Variants in TNXB observed in about 807,000 individuals in gnomAD.
TNXB encodes the protein tenascin-X.
In TNXB, 183 loss-of-function variants were observed where a neutral mutation model predicts 340.5. That is an observed-to-expected ratio of 0.54 (90% CI 0.48 to 0.61). The LOEUF is 0.61. Among genes scored for constraint, TNXB ranks in the 20% least tolerant of loss-of-function variants. The pLI is 0.00. For missense variants in TNXB, 4,613 were observed against 5,446.4 expected, an observed-to-expected ratio of 0.85 and a Z score of 4.82; for synonymous variants, 2,121 against 2,314.5, an observed-to-expected ratio of 0.92 and a Z score of 2.40.
chr6:32,098,331 A>C, intron 1 of TNXB, 125 bp from the exon 2 acceptor site: 1 of 768,350 alleles, frequency 1.3e-6, no homozygotes, highest in Non-Finnish European at 1.9e-6. Flanking sequence ...CATGCATGTA[A>C]AAATTCACAT....
chr6:32,068,509 G>A lies in TNXB; in HGVS notation c.6101C>T (p.Pro2034Leu). 1 of 1,613,898 alleles carries A rather than the reference G, an allele frequency of 6.2e-7. No homozygotes were observed. The highest frequency in any genetic ancestry group is 8.5e-7 in the Non-Finnish European group (1 of 1,179,900). ...GATGGTGACCCCTTCCTCGTGCCCT[G>A]GCACCCTCACTGCCTTGGGCTGCCC... ...GDGQPKAVRV[P>L]GHEEGVTISG... Residue 2034 changes from proline (P) to leucine (L), a missense_variant, in exon 17 of 44, where the codon CCA (proline) becomes CTA (leucine). Coordinates refer to ENST00000644971, the MANE Select transcript of TNXB (RefSeq NM_001365276.2). This position sits in a 1 kb window ranked among gnomAD's most constrained non-coding sequence, Gnocchi z 5.3.
rs768350934 is a variant in TNXB, at chr6:32,097,023, A to G, written c.830T>C (p.Met277Thr). 3.1e-6 allele frequency: 5 copies of G among 1,604,082 alleles called. No homozygotes were observed. The highest frequency in any genetic ancestry group is 8.5e-7 in the Non-Finnish European group (1 of 1,176,760). Residue 277 changes from methionine to threonine, a missense_variant, in exon 3 of 44, where the codon ATG becomes ACG. Met to Thr is a moderately conservative substitution (Grantham distance 81). Transcript: ENST00000644971. This position sits in a 1 kb window ranked among gnomAD's most constrained non-coding sequence, Gnocchi z 5.9. ...DPGYTGDDCGMRSCPRGCSQR... is the reference protein window; with the variant it reads ...DPGYTGDDCGTRSCPRGCSQR... ...ACTGCAACCGCGAGGGCAGCTCCTC[A>G]TGCCACAGTCGTCACCAGTGTAGCC...
chr6:32,050,769 C>T (rs866535418), intron 26 of TNXB, among the ~76,000 whole-genome samples: 2 of 152,142 alleles, frequency 1.3e-5, no homozygotes, highest in Admixed American at 6.5e-5. Flanking sequence ...ACCTCTCCCC[C>T]GAGTTTCCCT....
rs1055914278 is a variant in TNXB, at chr6:32,074,292, G to A, written c.4376-340C>T. Among the ~76,000 whole-genome samples, 18 of 152,292 alleles carry A rather than the reference G, an allele frequency of 1.2e-4. No individual in the cohort carries two copies. The highest frequency in any genetic ancestry group is 4.3e-4 in the African/African-American group (18 of 41,566). ...CACCTGCCTCAGCCCCCAAAGTGCT[G>A]GGATTACAGGTGTGAGCCACCACAC... On this transcript the variant is annotated intron_variant, in intron 11 of 43. Transcript: ENST00000644971. This position sits in a 1 kb window ranked among gnomAD's most constrained non-coding sequence, Gnocchi z 5.5.
chr6:32,061,368 G>A lies in TNXB; in HGVS notation c.7492+29C>T. On this transcript the variant is annotated intron_variant, in intron 21 of 43. Coordinates refer to ENST00000644971, the MANE Select transcript of TNXB (RefSeq NM_001365276.2). The surrounding 1 kb of genome is among the most constrained non-coding windows in gnomAD (Gnocchi z 4.4). The stretch of plus-strand genomic sequence containing the variant: ...ACCAGGTACCCATGAGGGAAAGGTG[G>A]TTACCCCGAGACTCCAAGCACTACT... 2 of 1,602,596 alleles carry A rather than the reference G, an allele frequency of 1.2e-6. No homozygotes were observed. Among genetic ancestry groups the A allele is most frequent in the Non-Finnish European group, 1.7e-6 (2 of 1,173,228 alleles).
At position 32,082,063 on chromosome 6, in the gene TNXB, C is replaced by T. The variant is rs1486134966; in HGVS notation, c.3709G>A (p.Gly1237Ser). 3 of 1,607,282 alleles carry T rather than the reference C, an allele frequency of 1.9e-6. No homozygotes were observed. The highest frequency in any genetic ancestry group is 2.5e-6 in the Non-Finnish European group (3 of 1,177,180). The change falls in exon 9 of 44, where the codon GGC (glycine) becomes AGC (serine). Residue 1237 changes from glycine (G) to serine (S), a missense_variant. Gly to Ser is a moderately conservative substitution (Grantham distance 56). Around this residue, in one of 7 missense-constraint regions of TNXB, gnomAD observed 4,327 missense variants for 4,859.4 expected, o/e 0.89. Transcript: ENST00000644971. The surrounding 1 kb of genome is among the most constrained non-coding windows in gnomAD (Gnocchi z 5.0). ...LFGIANKKRY[G>S]PLTADGTTAP... ...GTGGTGCCATCGGCCGTGAGGGGGC[C>T]ATACCGCTTCTTGTTCGCAATTCCA...
Position 32,061,119 on chromosome 6 carries a change from G to T in TNXB, c.7492+278C>A, listed in dbSNP as rs916443464. ...GTATGTGGTTATAACAAAGAATGCT[G>T]TTATTAAGATGGAAAGAAAGGAAAA... On this transcript the variant is annotated intron_variant, in intron 21 of 43. Transcript: ENST00000644971. The surrounding 1 kb of genome is among the most constrained non-coding windows in gnomAD (Gnocchi z 4.4). Among the ~76,000 whole-genome samples the T allele has an allele frequency of 1.3e-5, 2 of 151,906 alleles. No homozygotes were observed. Among genetic ancestry groups the T allele is most frequent in the African/African-American group, 4.9e-5 (2 of 41,160 alleles).
At chr6:32,048,836 T>C (rs895838885) in intron 28 of TNXB, among the ~76,000 whole-genome samples, 186 bp from the exon 29 acceptor site, 6 of 152,206 alleles carry the variant, frequency 3.9e-5, no homozygotes, top group Non-Finnish European at 7.3e-5. Flanking sequence ...GCACAACATA[T>C]GAAGTGGGTG....
Position 32,073,897 on chromosome 6 carries a change from T to C in TNXB, c.4431A>G (p.Leu1477=), listed in dbSNP as rs778592744. The change falls in exon 12 of 44, where the codon CTA becomes CTG. Residue 1477 remains leucine (L), a synonymous_variant. Coordinates refer to ENST00000644971, the MANE Select transcript of TNXB (RefSeq NM_001365276.2). The surrounding 1 kb of genome is among the most constrained non-coding windows in gnomAD (Gnocchi z 4.6). Reference sequence around the variant, plus strand: ...TCACATCTGTCACTGTCAGCTCTCCTAGGCGTGGCTCCAGCGGGGACTCAG... The same window carrying C: ...TCACATCTGTCACTGTCAGCTCTCCCAGGCGTGGCTCCAGCGGGGACTCAG... ...PATESPLEPR[L]GELTVTDVTP... 8 of 1,609,058 alleles carry C rather than the reference T, an allele frequency of 5.0e-6. No individual in the cohort carries two copies. The highest frequency in any genetic ancestry group is 6.8e-6 in the Non-Finnish European group (8 of 1,178,282).
Position 32,080,443 on chromosome 6 carries a change from C to T in TNXB, c.4042+925G>A, listed in dbSNP as rs1779370545. ...GCCAGGATGGTCTCGATCTCCTGACCTCGTGATCCACCCGCCTTGGCCTCC... is the reference window on the plus strand; with the variant it reads ...GCCAGGATGGTCTCGATCTCCTGACTTCGTGATCCACCCGCCTTGGCCTCC... On this transcript the variant is annotated intron_variant, in intron 10 of 43. Coordinates refer to ENST00000644971, the MANE Select transcript of TNXB (RefSeq NM_001365276.2). This position sits in a 1 kb window ranked among gnomAD's most constrained non-coding sequence, Gnocchi z 4.3. Among the ~76,000 whole-genome samples the T allele has an allele frequency of 6.6e-6, 1 of 152,200 alleles. No individual in the cohort carries two copies. Among genetic ancestry groups the T allele is most frequent in the African/African-American group, 2.4e-5 (1 of 41,444 alleles).
chr6:32,082,428 A>G lies in TNXB; in HGVS notation c.3446-102T>C. The G allele has an allele frequency of 1.6e-6, 2 of 1,243,844 alleles. No individual in the cohort carries two copies. The highest frequency in any genetic ancestry group is 1.5e-5 in the African/African-American group (1 of 66,936). 77.1% of individuals were successfully genotyped at this position (1,243,844 alleles called of 1,614,324 possible). A position where few individuals can be genotyped will look rare whatever the true frequency, so the allele number is the denominator to read the frequency against. On this transcript the variant is annotated intron_variant, in intron 8 of 43. Coordinates refer to ENST00000644971, the MANE Select transcript of TNXB (RefSeq NM_001365276.2). This position sits in a 1 kb window ranked among gnomAD's most constrained non-coding sequence, Gnocchi z 5.0. ...CTGTGTGAGGCTGTGCAGGTTGTTCACTGCACAAAAGTGCATTTGCTGAGG... is the reference window on the plus strand; with the variant it reads ...CTGTGTGAGGCTGTGCAGGTTGTTCGCTGCACAAAAGTGCATTTGCTGAGG...
At position 32,084,301 on chromosome 6, in the gene TNXB, T is replaced by C. The variant is rs1779640089; in HGVS notation, c.3445+112A>G. Reference sequence around the variant, plus strand: ...TACTTTCCCTTCAGAATTCAGCTCATGCACCACTGCCTCCAGGAAGCCTTC... The same window carrying C: ...TACTTTCCCTTCAGAATTCAGCTCACGCACCACTGCCTCCAGGAAGCCTTC... On this transcript the variant is annotated intron_variant, in intron 8 of 43. Transcript: ENST00000644971. This position sits in a 1 kb window ranked among gnomAD's most constrained non-coding sequence, Gnocchi z 5.5. The C allele has an allele frequency of 9.3e-7, 1 of 1,073,802 alleles. No homozygotes were observed. The highest frequency in any genetic ancestry group is 2.8e-5 in the Admixed American group (1 of 35,190). The allele number at this position is 1,073,802 out of a possible 1,614,324, so 66.5% of individuals were successfully genotyped here. A position where few individuals can be genotyped will look rare whatever the true frequency, so the allele number is the denominator to read the frequency against.
intron 1 of TNXB, among the ~76,000 whole-genome samples, chr6:32,104,987 A>C (rs1035796095): frequency 7.2e-5 from 11 of 152,166 alleles, no homozygotes; most frequent in African/African-American, 2.4e-4. Context: ...TCACAAACGC[A>C]ATCAGGATGT....
chr6:32,070,492 A>G lies in TNXB; in HGVS notation c.4991-78T>C, dbSNP rs1267480978. ...CCTCCCTCTGGGGCTGGAAAAACCC[A>G]GAACTGCCCAAATGCTCAGTGCTTC... is the stretch of plus-strand genomic sequence containing the variant. On this transcript the variant is annotated intron_variant, in intron 13 of 43. Transcript: ENST00000644971. This position sits in a 1 kb window ranked among gnomAD's most constrained non-coding sequence, Gnocchi z 6.0. 2.1e-6 allele frequency: 3 copies of G among 1,414,258 alleles called. No individual in the cohort carries two copies. The African/African-American group carries it at 4.3e-5, about 20-fold the overall frequency. The allele number at this position is 1,414,258 out of a possible 1,614,324, so 87.6% of individuals were successfully genotyped here.
chr6:32,081,668 C>T lies in TNXB; in HGVS notation c.3742G>A (p.Glu1248Lys). The change falls in exon 10 of 44, where the codon GAG becomes AAG. Residue 1248 changes from glutamate (E) to lysine (K), a missense_variant. By Grantham distance (56) the Glu-to-Lys change is moderately conservative. Coordinates refer to ENST00000644971, the MANE Select transcript of TNXB (RefSeq NM_001365276.2). This position sits in a 1 kb window ranked among gnomAD's most constrained non-coding sequence, Gnocchi z 5.1. ...PLTADGTTAP[E>K]RKEEPPRPEF... ...GGGCGGGGGGGCTCCTCTTTCCTCT[C>T]TGGAGCTGTAAACAAGGAGATCCAG... is the stretch of plus-strand genomic sequence containing the variant. 1 of 1,577,214 alleles carries T rather than the reference C, an allele frequency of 6.3e-7. No homozygotes were observed. Among genetic ancestry groups the T allele is most frequent in the Non-Finnish European group, 8.6e-7 (1 of 1,160,856 alleles).
chr6:32,058,028 T>TGCCCC lies in TNXB; in HGVS notation c.7825+29_7825+30insGGGGC. ...AAGGGCACATTTTCTAGGGCTGTCT[T>TGCCCC]CCAACCCTGCCCCACCCACACTCAC... On this transcript the variant is annotated intron_variant, in intron 22 of 43. Transcript: ENST00000644971. This position sits in a 1 kb window ranked among gnomAD's most constrained non-coding sequence, Gnocchi z 5.1. 1 of 1,577,122 alleles carries TGCCCC rather than the reference T, an allele frequency of 6.3e-7. No homozygotes were observed. The highest frequency in any genetic ancestry group is 8.6e-7 in the Non-Finnish European group (1 of 1,162,936).
chr6:32,101,586 GC>G (rs1264540318), intron 1 of TNXB, among the ~76,000 whole-genome samples: 10 of 133,890 alleles, frequency 7.5e-5, no homozygotes, highest in South Asian at 2.7e-4. Context: ...ACCGCACCCA[GC>G]CTTTTTTTTT....
intron 18 of TNXB, among the ~76,000 whole-genome samples, chr6:32,065,715 G>C (rs532189479): frequency 2.6e-5 from 4 of 152,290 alleles, no homozygotes; most frequent in African/African-American, 7.2e-5. Flanking sequence ...CACCTCCTGG[G>C]TGCAAGCAAT....
In TNXB at chr6:32,061,697, G is replaced by A. The variant is rs868844624; in HGVS notation, c.7192C>T (p.Pro2398Ser). 6.2e-7 allele frequency: 1 copy of A among 1,611,856 alleles called. No individual in the cohort carries two copies. The highest frequency in any genetic ancestry group is 8.5e-7 in the Non-Finnish European group (1 of 1,179,120). ...GGGGCCTCCATGCTGGGTTCTGTGG[G>A]GCTGGGGGTCTCTTCCTCTGCAGCT... is the stretch of plus-strand genomic sequence containing the variant. ...VTAAEEETPS[P>S]TEPSMEAPEP... The change falls in exon 21 of 44, where the codon CCC becomes TCC. Residue 2398 changes from proline to serine, a missense_variant. Around this residue, in one of 7 missense-constraint regions of TNXB, gnomAD observed 4,327 missense variants for 4,859.4 expected, o/e 0.89. Coordinates refer to ENST00000644971, the MANE Select transcript of TNXB (RefSeq NM_001365276.2). This position sits in a 1 kb window ranked among gnomAD's most constrained non-coding sequence, Gnocchi z 4.4.
Sources: gnomAD v4.1 joint callset for allele counts (sites outside exome capture counted in the v4.1 genomes callset) on GRCh38, gnomAD v4.1.1 for gene constraint, gnomAD v4.1.1 regional missense constraint, Gnocchi (gnomAD v3.1) non-coding constraint, MANE v1.5 for transcripts, NCBI Gene and HGNC (gene_info 2026-07-23, HGNC 2026-07-21) for gene names.